Variants in MEGF9 observed in about 807,000 individuals in gnomAD.
MEGF9 encodes the protein multiple EGF like domains 9, also known as multiple epidermal growth factor-like domains protein 9.
Under a neutral mutation model 46.8 loss-of-function variants are expected in MEGF9, and 6 were observed. The ratio of observed to expected loss-of-function variants is 0.13; its 90% CI spans 0.07 to 0.25. MEGF9 has a LOEUF of 0.25. Among genes scored for constraint, MEGF9 ranks in the 10% least tolerant of loss-of-function variants. The probability of loss-of-function intolerance (pLI) is 1.00; values close to 1 mark genes in which losing one functional copy is unlikely to be tolerated. For missense variants in MEGF9, 683 were observed against 792.4 expected, an observed-to-expected ratio of 0.86 and a Z score of 1.66; for synonymous variants, 302 against 330.7, an observed-to-expected ratio of 0.91 and a Z score of 0.94.
intron 1 of MEGF9, among the ~76,000 whole-genome samples, chr9:120,667,478 G>GT (rs1482649996): frequency 6.6e-6 from 1 of 152,060 alleles, no homozygotes; most frequent in Non-Finnish European, 1.5e-5. Flanking sequence ...GCAATTGTTT[G>GT]TTTCTTTTTC....
At chr9:120,624,682 T>C (rs1283423182) in intron 2 of MEGF9, among the ~76,000 whole-genome samples, 1 of 152,108 alleles carries the variant, frequency 6.6e-6, no homozygotes, top group Non-Finnish European at 1.5e-5. Context: ...GTGATCAGCC[T>C]GGCCAACATG....
chr9:120,692,156 AAGT>A (rs1235517130), intron 1 of MEGF9, among the ~76,000 whole-genome samples: 1 of 152,172 alleles, frequency 6.6e-6, no homozygotes, highest in East Asian at 1.9e-4. Flanking sequence ...GTGAATGCCT[AAGT>A]CATTCACCAT....
At chr9:120,677,477 A>G (rs1332062536) in intron 1 of MEGF9, among the ~76,000 whole-genome samples, 2 of 152,146 alleles carry the variant, frequency 1.3e-5, no homozygotes, top group Non-Finnish European at 2.9e-5. Context: ...ATCAAATCAA[A>G]TGATTACCAA....
intron 1 of MEGF9, among the ~76,000 whole-genome samples, chr9:120,687,552 A>C (rs1190473527): frequency 2.0e-5 from 3 of 152,220 alleles, no homozygotes; most frequent in Non-Finnish European, 2.9e-5. Flanking sequence ...GAAACTATAC[A>C]GCAAACTTGA....
In MEGF9 at chr9:120,711,844, T is replaced by TAC. The variant is rs924373123; in HGVS notation, c.601+1912_601+1913dup. The stretch of plus-strand genomic sequence containing the variant: ...CAAATGCTTTCTATACATACATACA[T>TAC]ACACACACACACACACACACACACA... On this transcript the variant is annotated intron_variant, in intron 1 of 5. Coordinates refer to ENST00000373930, the MANE Select transcript of MEGF9 (RefSeq NM_001080497.3). Among the ~76,000 whole-genome samples, 1,181 of 143,564 alleles carry TAC rather than the reference T, an allele frequency of 8.2e-3. 11 individuals carry two copies. The highest frequency in any genetic ancestry group is 0.023 in the African/African-American group (889 of 38,900). 94.2% of individuals were successfully genotyped at this position (143,564 alleles called of 152,430 possible). A position where few individuals can be genotyped will look rare whatever the true frequency, so the allele number is the denominator to read the frequency against.
chr9:120,665,791 C>T (rs2043722332), intron 1 of MEGF9, among the ~76,000 whole-genome samples: 1 of 152,100 alleles, frequency 6.6e-6, no homozygotes, highest in Non-Finnish European at 1.5e-5. Flanking sequence ...GATAGGAAGT[C>T]TAGTTTTATT....
rs770360660 is a variant in MEGF9 at position 120,605,251 on chromosome 9, T to C, written c.1748A>G (p.Asn583Ser). ...DVSGLLEDDG[N>S]EVAPNGQLTL... ...CAGCTGCCCATTGGGAGCCACTTCA[T>C]TGCCATCATCTTCCAACAATCCCGA... The change falls in exon 6 of 6, where the codon AAT becomes AGT. Residue 583 changes from asparagine (N) to serine (S), a missense_variant. Asn to Ser is a conservative substitution (Grantham distance 46). Coordinates refer to ENST00000373930, the MANE Select transcript of MEGF9 (RefSeq NM_001080497.3). This position sits in a 1 kb window ranked among gnomAD's most constrained non-coding sequence, Gnocchi z 4.0. 1.9e-6 allele frequency: 3 copies of C among 1,614,018 alleles called. No individual in the cohort carries two copies. The highest frequency in any genetic ancestry group is 2.5e-6 in the Non-Finnish European group (3 of 1,179,886).
intron 1 of MEGF9, among the ~76,000 whole-genome samples, chr9:120,686,779 T>A (rs1481056442): frequency 6.6e-6 from 1 of 152,210 alleles, no homozygotes; most frequent in African/African-American, 2.4e-5. Context: ...TGTACAAATG[T>A]GGATATTAAA....
At chr9:120,652,478 T>TAAAAAAAAAAAAAAAAAAA (rs57268783) in intron 2 of MEGF9, among the ~76,000 whole-genome samples, 1 of 85,598 alleles carries the variant, frequency 1.2e-5, no homozygotes, top group Non-Finnish European at 2.2e-5. Context: ...GATCTTGTCT[T>TAAAAAAAAAAAAAAAAAAA]AAAAAAAAAA....
Position 120,714,270 on chromosome 9 carries a change from G to GCGGCGA in MEGF9, c.88_89insTCGCCG (p.Ala29_Ala30insValAla), listed in dbSNP as rs770576620. ...CGCCGAGGCGGCTGAGGCGACGGCGGCGGCGGCGGCGGCGGCGGCGCAGCA... is the reference window on the plus strand; with the variant it reads ...CGCCGAGGCGGCTGAGGCGACGGCGGCGGCGACGGCGGCGGCGGCGGCGGCGCAGCA... On this transcript the variant is annotated inframe_insertion, in exon 1 of 6. Transcript: ENST00000373930. The GCGGCGA allele has an allele frequency of 9.6e-4, 118 of 122,358 alleles. No homozygotes were observed. The highest frequency in any genetic ancestry group is 5.4e-3 in the African/African-American group (49 of 9,106). The allele number at this position is 122,358 out of a possible 1,614,324, so 7.6% of individuals were successfully genotyped here.
chr9:120,692,664 C>G (rs543353072), intron 1 of MEGF9, among the ~76,000 whole-genome samples: 1 of 152,228 alleles, frequency 6.6e-6, no homozygotes, highest in African/African-American at 2.4e-5. Context: ...TTCCCTGTTC[C>G]ACCTTCATGT....
intron 5 of MEGF9, among the ~76,000 whole-genome samples, chr9:120,606,146 C>G (rs1334765305): frequency 1.4e-5 from 2 of 140,176 alleles, no homozygotes; most frequent in African/African-American, 2.7e-5. Flanking sequence ...ACTCCAGCCT[C>G]GGTGACAGAG....
At chr9:120,644,104 T>C (rs1241675176) in intron 2 of MEGF9, among the ~76,000 whole-genome samples, 1 of 152,232 alleles carries the variant, frequency 6.6e-6, no homozygotes, top group African/African-American at 2.4e-5. Flanking sequence ...CAGATTTCCC[T>C]AATTTTTCTA....
chr9:120,620,930 A>AC (rs2043496850), intron 3 of MEGF9, among the ~76,000 whole-genome samples: 1 of 151,950 alleles, frequency 6.6e-6, no homozygotes, highest in African/African-American at 2.4e-5. Context: ...CTTTCAACCG[A>AC]TTTTTCCAGG....
chr9:120,645,927 T>C (rs1286194502), intron 2 of MEGF9, among the ~76,000 whole-genome samples: 1 of 152,194 alleles, frequency 6.6e-6, no homozygotes, highest in Non-Finnish European at 1.5e-5. Flanking sequence ...TAGCAATTGC[T>C]GGAGCATAGG....
At chr9:120,644,248 A>C (rs1384498147) in intron 2 of MEGF9, among the ~76,000 whole-genome samples, 1 of 152,148 alleles carries the variant, frequency 6.6e-6, no homozygotes, top group Non-Finnish European at 1.5e-5. Context: ...GAAGCTTTTA[A>C]GGGAACTTGA....
chr9:120,712,537 A>C (rs1235436399), intron 1 of MEGF9, among the ~76,000 whole-genome samples: 1 of 152,218 alleles, frequency 6.6e-6, no homozygotes, highest in East Asian at 1.9e-4. Context: ...CAGCTAGCTA[A>C]TGCATTCCTT....
intron 2 of MEGF9, among the ~76,000 whole-genome samples, chr9:120,656,351 T>C (rs2043676605): frequency 1.3e-5 from 2 of 151,772 alleles, no homozygotes; most frequent in Admixed American, 1.3e-4. Context: ...ATCCAGACCA[T>C]CCTGGCTAAC....
At chr9:120,610,134 T>C (rs1459643269) in intron 4 of MEGF9, among the ~76,000 whole-genome samples, 1 of 152,174 alleles carries the variant, frequency 6.6e-6, no homozygotes, top group African/African-American at 2.4e-5. Flanking sequence ...TAGGTTACTT[T>C]CAGCAATAAA....
Sources: allele counts gnomAD v4.1 joint callset (sites outside exome capture counted in the v4.1 genomes callset), GRCh38; gene constraint gnomAD v4.1.1; non-coding constraint Gnocchi (gnomAD v3.1); transcripts MANE v1.5; gene names NCBI Gene and HGNC (gene_info 2026-07-23, HGNC 2026-07-21).